KLHL1: variants seen among roughly 807,000 people sequenced by gnomAD.
The protein encoded by KLHL1 is kelch like family member 1, also known as kelch-like protein 1.
In KLHL1, 47 loss-of-function variants were observed where a neutral mutation model predicts 77.7. The observed-to-expected ratio is 0.60, with a 90% confidence interval of 0.48 to 0.77. The LOEUF is 0.77. Among genes scored for constraint, KLHL1 ranks in the 30% least tolerant of loss-of-function variants. The probability of loss-of-function intolerance (pLI) is 0.00; values close to 1 mark genes in which losing one functional copy is unlikely to be tolerated. For synonymous variants in KLHL1, 360 were observed against 325.2 expected, an observed-to-expected ratio of 1.11 and a Z score of -1.15; for missense variants, 925 against 910.8, an observed-to-expected ratio of 1.02 and a Z score of -0.20.
intron 5 of KLHL1, among the ~76,000 whole-genome samples, chr13:69,857,105 T>C (rs753688443): frequency 3.8e-4 from 58 of 152,212 alleles, no homozygotes; most frequent in Non-Finnish European, 5.6e-4. Context: ...CTAATTCTTA[T>C]AGTGTATTCT....
intron 2 of KLHL1, among the ~76,000 whole-genome samples, chr13:69,966,252 T>A: frequency 6.6e-6 from 1 of 152,198 alleles, no homozygotes; most frequent in East Asian, 1.9e-4. Context: ...ACTCTCTTTT[T>A]AGGGACTAAT....
At chr13:70,064,161 C>T (rs1886954402) in intron 1 of KLHL1, among the ~76,000 whole-genome samples, 1 of 151,992 alleles carries the variant, frequency 6.6e-6, no homozygotes, top group Non-Finnish European at 1.5e-5. Flanking sequence ...ATGAACAAAG[C>T]AACAAGTATT....
chr13:69,785,747 G>A (rs540097616), intron 7 of KLHL1, among the ~76,000 whole-genome samples: 6 of 152,080 alleles, frequency 3.9e-5, no homozygotes, highest in Admixed American at 3.3e-4. Flanking sequence ...CAACAAAATC[G>A]ATAGACTGCT....
At chr13:69,762,119 G>A (rs1009080733) in intron 7 of KLHL1, among the ~76,000 whole-genome samples, 7 of 152,066 alleles carry the variant, frequency 4.6e-5, no homozygotes, top group Non-Finnish European at 7.4e-5. Flanking sequence ...CAGAAAATAC[G>A]TTTCCCTCAT....
chr13:69,942,789 AAC>A (rs1264365263), intron 3 of KLHL1, among the ~76,000 whole-genome samples: 2 of 152,146 alleles, frequency 1.3e-5, no homozygotes, highest in Non-Finnish European at 2.9e-5. Flanking sequence ...GGTATTCTCC[AAC>A]AGAGTGGCAA....
At chr13:70,038,581 A>ATT (rs55885952) in intron 1 of KLHL1, among the ~76,000 whole-genome samples, 4,347 of 72,966 alleles carry the variant, frequency 0.06, 358 homozygotes, top group Middle Eastern at 0.09. Flanking sequence ...ATTGTCATTA[A>ATT]TTTTTTTTTT....
intron 10 of KLHL1, among the ~76,000 whole-genome samples, chr13:69,706,684 T>C (rs924217176): frequency 1.3e-5 from 2 of 151,952 alleles, no homozygotes; most frequent in African/African-American, 4.8e-5. Context: ...ATCTTACTTT[T>C]AGATTTCTGG....
intron 3 of KLHL1, among the ~76,000 whole-genome samples, chr13:69,945,487 ATAT>A (rs1385433025): frequency 6.6e-6 from 1 of 151,664 alleles, no homozygotes; most frequent in Non-Finnish European, 1.5e-5. Context: ...ACTGTAAGAT[ATAT>A]TATTAAAGGA....
chr13:69,928,323 A>G (rs1240682950), intron 4 of KLHL1, among the ~76,000 whole-genome samples: 1 of 152,194 alleles, frequency 6.6e-6, no homozygotes, highest in Non-Finnish European at 1.5e-5. Context: ...TCAAAAACTT[A>G]AACATCCGAT....
chr13:69,924,363 A>G (rs1882743959), intron 4 of KLHL1, among the ~76,000 whole-genome samples: 1 of 152,074 alleles, frequency 6.6e-6, no homozygotes, highest in Admixed American at 6.5e-5. Flanking sequence ...AGCAATCAGC[A>G]TTCACTTCTT....
At chr13:69,736,079 C>T (rs1475895293) in intron 8 of KLHL1, among the ~76,000 whole-genome samples, 1 of 152,090 alleles carries the variant, frequency 6.6e-6, no homozygotes, top group Non-Finnish European at 1.5e-5. Context: ...GCAAAAGATA[C>T]AATCAGCAGA....
At chr13:69,985,847 G>GATAT (rs201265781) in intron 1 of KLHL1, among the ~76,000 whole-genome samples, 1 of 127,538 alleles carries the variant, frequency 7.8e-6, no homozygotes. Flanking sequence ...TGTGTGTATA[G>GATAT]ATATATATAT....
intron 7 of KLHL1, among the ~76,000 whole-genome samples, chr13:69,779,319 T>TA (rs1486247940): frequency 7.2e-6 from 1 of 138,490 alleles, no homozygotes; most frequent in Non-Finnish European, 1.6e-5. Context: ...TGCATTCTGT[T>TA]AAAAAAGGTC....
chr13:69,994,045 T>G (rs1361127246), intron 1 of KLHL1, among the ~76,000 whole-genome samples: 1 of 149,744 alleles, frequency 6.7e-6, no homozygotes, highest in East Asian at 2.0e-4. Context: ...GGATTGAGAA[T>G]GTACAAAGGA....
rs371376494 is a variant in KLHL1 at position 69,708,790 on chromosome 13, T to A, written c.2016-994A>T. ...GGTTCAGATACAAAAACAAAAAGGGTGGTAAGAACCCAGAAGAATGAATAT... is the reference window on the plus strand; with the variant it reads ...GGTTCAGATACAAAAACAAAAAGGGAGGTAAGAACCCAGAAGAATGAATAT... On this transcript the variant is annotated intron_variant, in intron 9 of 10. Transcript: ENST00000377844. 4.2e-4 allele frequency among the ~76,000 whole-genome samples: 64 copies of A among 152,004 alleles called. No homozygotes were observed. In the South Asian group the frequency reaches 0.012, roughly 30 times the overall value.
chr13:69,788,200 A>T (rs1376664925), intron 7 of KLHL1, among the ~76,000 whole-genome samples: 1 of 152,238 alleles, frequency 6.6e-6, no homozygotes, highest in Non-Finnish European at 1.5e-5. Context: ...TGCTATAAAG[A>T]TACATGCACA....
At chr13:69,819,180 G>GC (rs1289497720) in intron 6 of KLHL1, among the ~76,000 whole-genome samples, 5 of 152,106 alleles carry the variant, frequency 3.3e-5, no homozygotes, top group African/African-American at 1.2e-4. Context: ...TTTTTGCCTT[G>GC]CAACAATACA....
chr13:70,108,003 C>A lies in KLHL1; in HGVS notation c.-304G>T. The stretch of plus-strand genomic sequence containing the variant: ...AGAATCCTCGATGCCCGCGCGAGAG[C>A]CCCGTGTTATGGCGAGGTGGGACAA... On this transcript the variant is annotated 5_prime_UTR_variant, in exon 1 of 11. Coordinates refer to ENST00000377844, the MANE Select transcript of KLHL1 (RefSeq NM_020866.3). The A allele has an allele frequency of 2.2e-6, 1 of 445,444 alleles. No homozygotes were observed. The highest frequency in any genetic ancestry group is 3.9e-6 in the Non-Finnish European group (1 of 253,396). The allele number at this position is 445,444 out of a possible 1,614,324, so 27.6% of individuals were successfully genotyped here.
intron 1 of KLHL1, among the ~76,000 whole-genome samples, chr13:70,027,960 C>T (rs913303010): frequency 3.3e-5 from 5 of 152,062 alleles, no homozygotes; most frequent in Admixed American, 1.3e-4. Flanking sequence ...AGAGGCCAAA[C>T]ATATTTAATG....
Sources: gnomAD v4.1 joint callset for allele counts (sites outside exome capture counted in the v4.1 genomes callset) on GRCh38, gnomAD v4.1.1 for gene constraint, MANE v1.5 for transcripts, NCBI Gene and HGNC (gene_info 2026-07-23, HGNC 2026-07-21) for gene names.